PELI1: variants seen among roughly 807,000 people sequenced by gnomAD.
The protein encoded by PELI1 is pellino E3 ubiquitin protein ligase 1, also known as E3 ubiquitin-protein ligase pellino homolog 1.
Under a neutral mutation model 41.3 loss-of-function variants are expected in PELI1, and 15 were observed. The observed-to-expected ratio is 0.36, with a 90% CI of 0.24 to 0.56. The LOEUF (loss-of-function observed/expected upper bound fraction) is 0.56, where lower values mean the gene tolerates loss of function less well. PELI1 is among the 20% of genes least tolerant of loss of function. PELI1 has a pLI of 0.82. For missense variants in PELI1, 403 were observed against 525.5 expected (o/e 0.77, Z 2.28); for synonymous variants, 178 against 180.1 (o/e 0.99, Z 0.09).
intron 1 of PELI1, among the ~76,000 whole-genome samples, chr2:64,109,681 A>AAAACAAAAACAG (rs951531594): frequency 3.3e-5 from 5 of 152,204 alleles, no homozygotes; most frequent in Admixed American, 2.6e-4. Flanking sequence ...ACTCCATCTC[A>AAAACAAAAACAG]AAACAAAAAC....
At chr2:64,140,804 C>CAAAAAAAAAAAAAAAAAAAA (rs200569281) in intron 1 of PELI1, among the ~76,000 whole-genome samples, 1 of 102,608 alleles carries the variant, frequency 9.7e-6, no homozygotes, top group Non-Finnish European at 1.8e-5. Flanking sequence ...AAAAAACAAA[C>CAAAAAAAAAAAAAAAAAAAA]AAACAAAAAA....
At chr2:64,124,195 T>C (rs1249329073) in intron 1 of PELI1, among the ~76,000 whole-genome samples, 1 of 152,158 alleles carries the variant, frequency 6.6e-6, no homozygotes, top group Non-Finnish European at 1.5e-5. Context: ...GACATGAGAT[T>C]TGTTTTTCGG....
chr2:64,115,467 C>T (rs1680961698), intron 1 of PELI1, among the ~76,000 whole-genome samples: 1 of 152,036 alleles, frequency 6.6e-6, no homozygotes, highest in Admixed American at 6.6e-5. Context: ...TTTATTTGAC[C>T]CCCATAATAG....
chr2:64,100,627 T>G, intron 3 of PELI1, 128 bp from the exon 4 acceptor site: 1 of 673,578 alleles, frequency 1.5e-6, no homozygotes, highest in Non-Finnish European at 2.6e-6. Flanking sequence ...CCCCTGAAAT[T>G]TAGAGAGGTT....
intron 5 of PELI1, 24 bp downstream of exon 5, chr2:64,096,389 T>C (rs575042454): frequency 6.3e-7 from 1 of 1,597,860 alleles, no homozygotes; most frequent in South Asian, 1.1e-5. Context: ...AAAGAAAGCA[T>C]CATTTAGAAA....
At chr2:64,103,044 T>C (rs1307078708) in intron 3 of PELI1, among the ~76,000 whole-genome samples, 5 of 151,956 alleles carry the variant, frequency 3.3e-5, no homozygotes, top group Admixed American at 3.3e-4. Flanking sequence ...AGTTTCACCA[T>C]GTTGCCCAGG....
intron 1 of PELI1, 87 bp from the exon 2 acceptor site, chr2:64,108,466 C>T (rs1680694440): frequency 1.7e-6 from 1 of 597,600 alleles, no homozygotes; most frequent in African/African-American, 1.9e-5. Context: ...CTCTTGAACA[C>T]AATATTATGC....
chr2:64,095,634 T>C (rs989021979), intron 6 of PELI1, among the ~76,000 whole-genome samples: 2 of 152,186 alleles, frequency 1.3e-5, no homozygotes, highest in Non-Finnish European at 1.5e-5. Flanking sequence ...TATATTAACA[T>C]GATATGACAG....
intron 4 of PELI1, among the ~76,000 whole-genome samples, chr2:64,099,767 A>G (rs1251386399): frequency 2.6e-5 from 4 of 152,270 alleles, no homozygotes; most frequent in Non-Finnish European, 2.9e-5. Flanking sequence ...GAGAAGATCA[A>G]GGATTCTATT....
intron 1 of PELI1, among the ~76,000 whole-genome samples, chr2:64,134,116 C>T (rs1681644981): frequency 6.6e-6 from 1 of 152,108 alleles, no homozygotes; most frequent in African/African-American, 2.4e-5. Flanking sequence ...TAGCAGCCTA[C>T]TCAGTTCTGA....
chr2:64,140,800 C>CAAAAAAAA (rs1356897512), intron 1 of PELI1, among the ~76,000 whole-genome samples: 1 of 100,282 alleles, frequency 1.0e-5, no homozygotes, highest in African/African-American at 4.4e-5. Flanking sequence ...AAAAAAAAAA[C>CAAAAAAAA]AAACAAACAA....
intron 3 of PELI1, among the ~76,000 whole-genome samples, chr2:64,101,024 C>T (rs571575538): frequency 1.3e-5 from 2 of 152,258 alleles, no homozygotes; most frequent in Non-Finnish European, 2.9e-5. Flanking sequence ...GCCACTGCGC[C>T]CGGCCCATAA....
chr2:64,097,183 T>C (rs928891856), intron 4 of PELI1, among the ~76,000 whole-genome samples: 1 of 152,356 alleles, frequency 6.6e-6, no homozygotes, highest in South Asian at 2.1e-4. Flanking sequence ...TATATTTTCT[T>C]GTTTCTTTTC....
intron 3 of PELI1, among the ~76,000 whole-genome samples, chr2:64,102,246 A>C (rs1014125450): frequency 7.7e-5 from 11 of 143,394 alleles, no homozygotes; most frequent in Admixed American, 4.1e-4. Context: ...GATCATTTAC[A>C]TGCATGTTTT....
At chr2:64,113,379 C>T (rs904852216) in intron 1 of PELI1, among the ~76,000 whole-genome samples, 5 of 151,946 alleles carry the variant, frequency 3.3e-5, no homozygotes, top group African/African-American at 7.2e-5. Flanking sequence ...CCGAATGTCT[C>T]GATTACTGGC....
At chr2:64,127,561 T>G (rs1369754562) in intron 1 of PELI1, among the ~76,000 whole-genome samples, 1 of 152,224 alleles carries the variant, frequency 6.6e-6, no homozygotes, top group Non-Finnish European at 1.5e-5. Flanking sequence ...TTTTTAACAT[T>G]GATGAATATG....
intron 1 of PELI1, among the ~76,000 whole-genome samples, chr2:64,117,967 G>A (rs1418704666): frequency 4.0e-5 from 6 of 151,884 alleles, no homozygotes; most frequent in South Asian, 2.1e-4. Context: ...ATGCCACCAC[G>A]CCCAGCTAAT....
intron 3 of PELI1, among the ~76,000 whole-genome samples, chr2:64,102,598 C>T (rs779748945): frequency 3.3e-5 from 5 of 152,116 alleles, no homozygotes; most frequent in Non-Finnish European, 7.4e-5. Flanking sequence ...TTCTTAGTGG[C>T]TAAAGAGATT....
At chr2:64,124,662 C>A (rs1243076869) in intron 1 of PELI1, among the ~76,000 whole-genome samples, 1 of 152,186 alleles carries the variant, frequency 6.6e-6, no homozygotes, top group Non-Finnish European at 1.5e-5. Flanking sequence ...TTCAGACTAG[C>A]TTTAATCATA....
Sources: gnomAD v4.1 joint callset for allele counts (sites outside exome capture counted in the v4.1 genomes callset) on GRCh38, gnomAD v4.1.1 for gene constraint, MANE v1.5 for transcripts, NCBI Gene and HGNC (gene_info 2026-07-23, HGNC 2026-07-21) for gene names.